Variants in PCCA observed in about 807,000 individuals in gnomAD.
PCCA encodes propionyl-CoA carboxylase subunit alpha, also known as propionyl-CoA carboxylase alpha chain, mitochondrial.
PCCA carries 74 observed loss-of-function variants against 101.3 expected under a neutral mutation model. The ratio of observed to expected loss-of-function variants is 0.73; its 90% confidence interval spans 0.61 to 0.89. The LOEUF (loss-of-function observed/expected upper bound fraction) is 0.89, where lower values mean the gene tolerates loss of function less well. Among genes scored for constraint, PCCA ranks in the 40% least tolerant of loss-of-function variants. PCCA has a pLI of 0.00. For synonymous variants in PCCA, 294 were observed against 313.6 expected, an observed-to-expected ratio of 0.94 and a Z score of 0.66; for missense variants, 891 against 907.0, an observed-to-expected ratio of 0.98 and a Z score of 0.23.
intron 4 of PCCA, among the ~76,000 whole-genome samples, chr13:100,113,820 C>A (rs974694524): frequency 6.6e-6 from 1 of 152,084 alleles, no homozygotes; most frequent in Non-Finnish European, 1.5e-5. Context: ...CTCAGGTAAT[C>A]CACCTGCTTT....
intron 21 of PCCA, among the ~76,000 whole-genome samples, chr13:100,483,629 GAGAAAT>G (rs1264324975): frequency 6.6e-6 from 1 of 152,212 alleles, no homozygotes; most frequent in Non-Finnish European, 1.5e-5. Context: ...GTACTTTATT[GAGAAAT>G]AGAAAGTGCT....
chr13:100,506,428 T>A (rs2086086855), intron 21 of PCCA, among the ~76,000 whole-genome samples: 1 of 152,146 alleles, frequency 6.6e-6, no homozygotes, highest in South Asian at 2.1e-4. Flanking sequence ...CTGCTTCAGT[T>A]TTCTTGGCCG....
At chr13:100,417,841 G>T (rs1473930878) in intron 19 of PCCA, among the ~76,000 whole-genome samples, 1 of 151,970 alleles carries the variant, frequency 6.6e-6, no homozygotes, top group Non-Finnish European at 1.5e-5. Context: ...CATACCACAC[G>T]CACCTCCAAG....
intron 21 of PCCA, among the ~76,000 whole-genome samples, chr13:100,492,063 T>A (rs962579745): frequency 3.3e-5 from 5 of 151,982 alleles, no homozygotes; most frequent in Admixed American, 3.3e-4. Context: ...GATGGTTCAA[T>A]ATGACTTTTA....
At chr13:100,093,965 A>C (rs1409888437) in intron 1 of PCCA, among the ~76,000 whole-genome samples, 1 of 152,142 alleles carries the variant, frequency 6.6e-6, no homozygotes, top group Non-Finnish European at 1.5e-5. Flanking sequence ...ACGATGGCTC[A>C]TGCCTGTAAT....
intron 21 of PCCA, chr13:100,479,471 C>G (rs1304834946): frequency 6.6e-6 from 1 of 152,188 alleles, no homozygotes; most frequent in Non-Finnish European, 1.5e-5. Context: ...CAATAACATA[C>G]AGTCATTTAG....
intron 20 of PCCA, 130 bp from the exon 21 acceptor site, chr13:100,449,122 T>C (rs76115465): frequency 6.9e-6 from 4 of 580,872 alleles, no homozygotes; most frequent in African/African-American, 3.8e-5. Flanking sequence ...AATATTCCAC[T>C]GTATGGCTAT....
intron 11 of PCCA, among the ~76,000 whole-genome samples, chr13:100,272,157 T>G (rs2152579825): frequency 6.6e-6 from 1 of 152,226 alleles, no homozygotes; most frequent in Middle Eastern, 3.4e-3. Context: ...TGAAGGTGGG[T>G]TTGGTATCTT....
intron 21 of PCCA, among the ~76,000 whole-genome samples, chr13:100,468,477 G>A (rs374785859): frequency 1.7e-4 from 26 of 152,308 alleles, no homozygotes; most frequent in Non-Finnish European, 2.9e-4. Context: ...CACCTTCATC[G>A]GTGATCTTAA....
intron 21 of PCCA, among the ~76,000 whole-genome samples, chr13:100,470,114 C>T (rs946335095): frequency 7.2e-5 from 11 of 152,128 alleles, no homozygotes; most frequent in African/African-American, 2.7e-4. Context: ...CATCATGCTA[C>T]CAAAAATAGA....
In PCCA at chr13:100,245,767, TTG is replaced by T. The variant is rs2061393319; in HGVS notation, c.637+9890_637+9891del. On this transcript the variant is annotated intron_variant, in intron 8 of 23. Coordinates refer to ENST00000376285, the MANE Select transcript of PCCA (RefSeq NM_000282.4). ...ATTTATCTACTTCTCTGCATTTCTG[TTG>T]CTATTCTCTTTGTTTAAGGTAGTGT... Among the ~76,000 whole-genome samples, 5 of 152,350 alleles carry T rather than the reference TTG, an allele frequency of 3.3e-5. No homozygotes were observed. The South Asian group carries it at 1.0e-3, about 32-fold the overall frequency.
intron 6 of PCCA, among the ~76,000 whole-genome samples, chr13:100,198,006 G>T (rs1372881604): frequency 6.6e-6 from 1 of 152,198 alleles, no homozygotes; most frequent in Admixed American, 6.5e-5. Flanking sequence ...AAATCTGTTT[G>T]CAGGTGTGTC....
intron 21 of PCCA, among the ~76,000 whole-genome samples, chr13:100,489,521 T>G (rs2084721980): frequency 6.6e-6 from 1 of 152,246 alleles, no homozygotes; most frequent in Non-Finnish European, 1.5e-5. Context: ...ACTAATTTTC[T>G]TTTTACACTC....
In PCCA at chr13:100,527,679, CAGA is replaced by C; in HGVS notation, c.2048_2050del (p.Glu683del). The C allele has an allele frequency of 6.2e-7, 1 of 1,612,776 alleles. No individual in the cohort carries two copies. On this transcript the variant is annotated inframe_deletion, in exon 23 of 24. Coordinates refer to ENST00000376285, the MANE Select transcript of PCCA (RefSeq NM_000282.4). ...CTGCCCATTTTTGTTTTCCAGGTAGCAGAAGGTCAAGAAATTTGTGTGATTGAA... is the reference window on the plus strand; with the variant it reads ...CTGCCCATTTTTGTTTTCCAGGTAGCAGGTCAAGAAATTTGTGTGATTGAA...
chr13:100,282,059 A>C (rs1016283482), intron 12 of PCCA, among the ~76,000 whole-genome samples: 1 of 152,188 alleles, frequency 6.6e-6, no homozygotes, highest in Non-Finnish European at 1.5e-5. Flanking sequence ...ATTGTTTATC[A>C]TGAATTTTTC....
rs568698896 is a variant in PCCA at position 100,493,828 on chromosome 13, C to T, written c.1900-21599C>T. Among the ~76,000 whole-genome samples, 30 of 152,336 alleles carry T rather than the reference C, an allele frequency of 2.0e-4. No individual in the cohort carries two copies. The South Asian group carries it at 6.0e-3, about 31-fold the overall frequency. On this transcript the variant is annotated intron_variant, in intron 21 of 23. Transcript: ENST00000376285. ...CCCTCCCTCCCAACTTGCTTGCTTT[C>T]AGCTTCTCTTTAAAGTACACCTTAA...
intron 20 of PCCA, among the ~76,000 whole-genome samples, chr13:100,447,469 C>T (rs1036023430): frequency 3.3e-5 from 5 of 151,906 alleles, no homozygotes; most frequent in African/African-American, 9.7e-5. Context: ...GCCAGGAGTT[C>T]GAGACCAGCC....
At chr13:100,242,261 G>T (rs1432506177) in intron 8 of PCCA, among the ~76,000 whole-genome samples, 1 of 152,154 alleles carries the variant, frequency 6.6e-6, no homozygotes, top group African/African-American at 2.4e-5. Flanking sequence ...GAGAGCTGGG[G>T]TGGCATACTA....
intron 6 of PCCA, chr13:100,160,660 A>G (rs2054372692): frequency 6.6e-6 from 1 of 152,092 alleles, no homozygotes; most frequent in Non-Finnish European, 1.5e-5. Context: ...TCTATTCTGT[A>G]TTTTCCCTGC....
Sources: gnomAD v4.1 joint callset for allele counts (sites outside exome capture counted in the v4.1 genomes callset) on GRCh38, gnomAD v4.1.1 for gene constraint, MANE v1.5 for transcripts, NCBI Gene and HGNC (gene_info 2026-07-23, HGNC 2026-07-21) for gene names.